The following TCF4 variants were observed in gnomAD, a reference collection of about 807,000 sequenced individuals.
The protein encoded by TCF4 is transcription factor 4, also known as SL3-3 enhancer factor 2.
A neutral mutation model predicts 82.1 loss-of-function variants in TCF4; 3 were observed. That is an observed-to-expected ratio of 0.04 (90% confidence interval 0.02 to 0.09). The LOEUF (loss-of-function observed/expected upper bound fraction) is 0.09. Among genes scored for constraint, TCF4 ranks in the 10% least tolerant of loss-of-function variants. The pLI is 1.00. For missense variants in TCF4, 518 were observed against 852.7 expected (o/e 0.61, Z 4.89); for synonymous variants, 276 against 309.6 (o/e 0.89, Z 1.14).
intron 14 of TCF4, among the ~76,000 whole-genome samples, chr18:55,255,972 T>C (rs1419480398): frequency 2.6e-5 from 4 of 152,136 alleles, no homozygotes; most frequent in Non-Finnish European, 5.9e-5. Flanking sequence ...AACATTCTGA[T>C]TTGGTGGGTT....
At chr18:55,276,930 T>G (rs2061593550) in intron 9 of TCF4, among the ~76,000 whole-genome samples, 1 of 152,194 alleles carries the variant, frequency 6.6e-6, no homozygotes, top group Non-Finnish European at 1.5e-5. Context: ...TTGGGAGGAA[T>G]AGTTTGCAGA....
intron 8 of TCF4, among the ~76,000 whole-genome samples, chr18:55,300,221 G>C (rs1477199227): frequency 6.6e-6 from 1 of 152,116 alleles, no homozygotes; most frequent in Non-Finnish European, 1.5e-5. Flanking sequence ...CAAGCTTCTG[G>C]AGGGAATCTG....
At chr18:55,578,186 T>A (rs1303645422) in intron 3 of TCF4, among the ~76,000 whole-genome samples, 1 of 152,106 alleles carries the variant, frequency 6.6e-6, no homozygotes, top group Non-Finnish European at 1.5e-5. Flanking sequence ...TGATGACAAG[T>A]GGGCTGGATT....
intron 5 of TCF4, among the ~76,000 whole-genome samples, chr18:55,421,741 C>T (rs1415262733): frequency 6.6e-6 from 1 of 152,114 alleles, no homozygotes; most frequent in Non-Finnish European, 1.5e-5. Context: ...AAAATGAAGT[C>T]AGACTCTGTT....
chr18:55,547,664 G>A (rs2097218378), intron 3 of TCF4, among the ~76,000 whole-genome samples: 1 of 152,112 alleles, frequency 6.6e-6, no homozygotes, highest in South Asian at 2.1e-4. Context: ...ATACTTCCTA[G>A]GCCATCTTTT....
intron 3 of TCF4, among the ~76,000 whole-genome samples, chr18:55,549,854 G>A (rs117637263): frequency 0.021 from 3,126 of 152,242 alleles, 50 homozygotes; most frequent in Non-Finnish European, 0.032. Context: ...ACCACTGACC[G>A]AAACGCCATT....
chr18:55,311,268 G>T (rs1216869398), intron 8 of TCF4, among the ~76,000 whole-genome samples: 1 of 152,178 alleles, frequency 6.6e-6, no homozygotes, highest in Non-Finnish European at 1.5e-5. Flanking sequence ...AACTTATTAT[G>T]ACATTATTTA....
At chr18:55,293,042 C>T (rs2065485178) in intron 8 of TCF4, among the ~76,000 whole-genome samples, 1 of 152,044 alleles carries the variant, frequency 6.6e-6, no homozygotes, top group Admixed American at 6.6e-5. Context: ...TAGAACTAGA[C>T]AGATGTGGTG....
intron 8 of TCF4, among the ~76,000 whole-genome samples, chr18:55,317,369 T>C (rs1316233799): frequency 6.6e-6 from 1 of 152,070 alleles, no homozygotes; most frequent in Non-Finnish European, 1.5e-5. Flanking sequence ...GCATTTATAC[T>C]GGCTGCTTTC....
At chr18:55,569,446 G>A (rs549936587) in intron 3 of TCF4, among the ~76,000 whole-genome samples, 4 of 152,270 alleles carry the variant, frequency 2.6e-5, no homozygotes, top group South Asian at 2.1e-4. Flanking sequence ...TTGGGAGGCT[G>A]AGGCAAGAGA....
At chr18:55,386,940 T>G (rs1189153941) in intron 6 of TCF4, among the ~76,000 whole-genome samples, 2 of 152,228 alleles carry the variant, frequency 1.3e-5, no homozygotes, top group African/African-American at 4.8e-5. Flanking sequence ...TTTGCCAATG[T>G]GTCCATTTCC....
intron 8 of TCF4, among the ~76,000 whole-genome samples, chr18:55,319,963 C>G (rs932648180): frequency 6.6e-6 from 1 of 152,114 alleles, no homozygotes; most frequent in Non-Finnish European, 1.5e-5. Flanking sequence ...AACTTATATT[C>G]TTTTATAATG....
intron 2 of TCF4, among the ~76,000 whole-genome samples, chr18:55,594,559 T>G (rs2097688935): frequency 6.6e-6 from 1 of 152,200 alleles, no homozygotes; most frequent in African/African-American, 2.4e-5. Flanking sequence ...TTTTTTCCAG[T>G]TTTTCTTGGG....
At chr18:55,300,855 T>C (rs183875859) in intron 8 of TCF4, among the ~76,000 whole-genome samples, 76 of 152,126 alleles carry the variant, frequency 5.0e-4, no homozygotes, top group African/African-American at 1.7e-3. Context: ...TAACCACCTG[T>C]AAATCAGAGA....
intron 5 of TCF4, among the ~76,000 whole-genome samples, chr18:55,440,355 T>G (rs1441171644): frequency 6.6e-6 from 1 of 152,214 alleles, no homozygotes; most frequent in African/African-American, 2.4e-5. Flanking sequence ...TTGGGGTTTT[T>G]GGGGTTTTAT....
chr18:55,476,563 C>A (rs1425533475), intron 3 of TCF4, among the ~76,000 whole-genome samples: 1 of 151,834 alleles, frequency 6.6e-6, no homozygotes, highest in Non-Finnish European at 1.5e-5. Flanking sequence ...GCAACCTCAA[C>A]CTCCCAGACT....
intron 3 of TCF4, among the ~76,000 whole-genome samples, chr18:55,564,451 G>C (rs2097383402): frequency 6.6e-6 from 1 of 152,204 alleles, no homozygotes; most frequent in Non-Finnish European, 1.5e-5. Context: ...GGCTACTAGA[G>C]TAGACCAGGC....
At chr18:55,394,265 C>A (rs965494741) in intron 6 of TCF4, among the ~76,000 whole-genome samples, 2 of 152,196 alleles carry the variant, frequency 1.3e-5, no homozygotes, top group East Asian at 1.9e-4. Flanking sequence ...CCCCAACACA[C>A]AGAGACCCCC....
intron 8 of TCF4, among the ~76,000 whole-genome samples, chr18:55,289,855 G>T (rs2064611115): frequency 6.6e-6 from 1 of 150,510 alleles, no homozygotes; most frequent in African/African-American, 2.4e-5. Flanking sequence ...GCCAGTTGCA[G>T]AAACAATAAG....
Sources: allele counts gnomAD v4.1 joint callset (sites outside exome capture counted in the v4.1 genomes callset), GRCh38; gene constraint gnomAD v4.1.1; transcripts MANE v1.5; gene names NCBI Gene and HGNC (gene_info 2026-07-23, HGNC 2026-07-21).